FRMD1: variants seen among roughly 807,000 people sequenced by gnomAD.
FRMD1 encodes the protein FERM domain containing 1.
In FRMD1, 51 loss-of-function variants were observed where a neutral mutation model predicts 54.9. That is an observed-to-expected ratio of 0.93 (90% CI 0.74 to 1.17). The LOEUF is 1.17. FRMD1 is among the 50% of genes most tolerant of loss of function. The probability of loss-of-function intolerance (pLI) is 0.00; values close to 1 mark genes in which losing one functional copy is unlikely to be tolerated. For missense variants in FRMD1, 729 were observed against 743.0 expected (o/e 0.98, Z 0.22); for synonymous variants, 324 against 306.4 (o/e 1.06, Z -0.60).
chr6:168,060,586 C>T (rs550671253), intron 9 of FRMD1, among the ~76,000 whole-genome samples, 175 bp downstream of exon 9: 3 of 152,326 alleles, frequency 2.0e-5, no homozygotes, highest in Admixed American at 1.3e-4. Flanking sequence ...TCTGTTCTTC[C>T]GGCATGTTCT....
upstream of FRMD1, chr6:168,081,420 G>C (rs1179319945): frequency 6.5e-7 from 1 of 1,535,560 alleles, no homozygotes. Flanking sequence ...TGTCAGGGCC[G>C]GGCAGTGGAC....
chr6:168,060,787 T>TGGCTGCGGC lies in FRMD1; in HGVS notation c.1307_1315dup (p.Ser438_His439insArgArgSer), dbSNP rs1314505566. The TGGCTGCGGC allele has an allele frequency of 9.3e-6, 15 of 1,611,446 alleles. No homozygotes were observed. Among genetic ancestry groups the TGGCTGCGGC allele is most frequent in the Non-Finnish European group, 1.3e-5 (15 of 1,178,266 alleles). On this transcript the variant is annotated inframe_insertion, in exon 9 of 11. Transcript: ENST00000283309. ...TTGGCTGTCACCACGTGTGCTGGGG[T>TGGCTGCGGC]GGCTGCGGCTGGTCCTGGGGCTGGA...
At chr6:168,062,100 C>T (rs755091550) in intron 7 of FRMD1, 119 bp from the exon 8 acceptor site, 37 of 1,057,640 alleles carry the variant, frequency 3.5e-5, no homozygotes, top group Admixed American at 7.1e-5. Flanking sequence ...GTTTTCACTT[C>T]GCAGTGCAGA....
chr6:168,060,521 G>T (rs1367468710), intron 9 of FRMD1, among the ~76,000 whole-genome samples: 1 of 152,154 alleles, frequency 6.6e-6, no homozygotes, highest in African/African-American at 2.4e-5. Flanking sequence ...GCTGCCCCTT[G>T]GCAGGAACAG....
Position 168,063,749 on chromosome 6 carries a change from G to A in FRMD1, c.656C>T (p.Thr219Ile). ...PHSYFPQWII[T>I]KRGIDYILRH... ...GAGGATGTAGTCAATCCCCCTCTTG[G>A]TGATGATCTGAGGACAGAGCCGGGA... The change falls in exon 6 of 11, where the codon ACC (threonine) becomes ATC (isoleucine). Residue 219 changes from threonine (T) to isoleucine (I), a missense_variant. Coordinates refer to ENST00000283309, the MANE Select transcript of FRMD1 (RefSeq NM_024919.6). 6.2e-7 allele frequency: 1 copy of A among 1,612,198 alleles called. No individual in the cohort carries two copies. Among genetic ancestry groups the A allele is most frequent in the South Asian group, 1.1e-5 (1 of 90,828 alleles).
chr6:168,068,873 G>T (rs1481642357), intron 2 of FRMD1, among the ~76,000 whole-genome samples: 1 of 152,234 alleles, frequency 6.6e-6, no homozygotes, highest in African/African-American at 2.4e-5. Context: ...TGCAGAAAGG[G>T]CATCACAGGG....
At chr6:168,081,058 A>AC (rs1484031390), upstream of FRMD1, among the ~76,000 whole-genome samples, 1 of 152,124 alleles carries the variant, frequency 6.6e-6, no homozygotes, top group Non-Finnish European at 1.5e-5. Flanking sequence ...CTTCCTTCCC[A>AC]CCCAGAGTCT....
intron 1 of FRMD1, 30 bp from the exon 2 acceptor site, chr6:168,075,365 AG>A (rs746841408): frequency 3.8e-6 from 6 of 1,585,238 alleles, no homozygotes; most frequent in South Asian, 1.1e-5. Flanking sequence ...GGGTTCAGGG[AG>A]GGGCCGGCAC....
At chr6:168,058,523 G>C (rs933046663) in intron 10 of FRMD1, among the ~76,000 whole-genome samples, 5 of 151,884 alleles carry the variant, frequency 3.3e-5, no homozygotes, top group Non-Finnish European at 7.4e-5. Context: ...GGGCTGACCA[G>C]AGGGGGCCTC....
chr6:168,063,641 C>A lies in FRMD1; in HGVS notation c.764G>T (p.Arg255Leu). ...GAAGTGCACGGGCACGTCCTCCAGC[C>A]GGCAGGCCTCCTGGATGAAGCACAG... ...AMLCFIQEAC[R>L]LEDVPVHFFR... The change falls in exon 6 of 11, where the codon CGG becomes CTG. Residue 255 changes from arginine to leucine, a missense_variant. Coordinates refer to ENST00000283309, the MANE Select transcript of FRMD1 (RefSeq NM_024919.6). 6.2e-7 allele frequency: 1 copy of A among 1,613,558 alleles called. No individual in the cohort carries two copies. Among genetic ancestry groups the A allele is most frequent in the Non-Finnish European group, 8.5e-7 (1 of 1,179,778 alleles).
chr6:168,088,205 T>A (rs1440398311), intron 1 of FRMD1, among the ~76,000 whole-genome samples: 3 of 152,194 alleles, frequency 2.0e-5, no homozygotes, highest in African/African-American at 7.2e-5. Flanking sequence ...ATGCTCCGGC[T>A]GGGGTCTCAG....
At chr6:168,078,236 AG>A (rs573671867) in intron 1 of FRMD1, among the ~76,000 whole-genome samples, 23 of 152,060 alleles carry the variant, frequency 1.5e-4, no homozygotes, top group African/African-American at 3.1e-4. Context: ...GAAAGGGAAA[AG>A]AAAAGGAAAT....
chr6:168,072,056 C>G (rs1025460767), intron 2 of FRMD1, among the ~76,000 whole-genome samples: 1 of 152,260 alleles, frequency 6.6e-6, no homozygotes, highest in African/African-American at 2.4e-5. Flanking sequence ...AGAAGCCAGC[C>G]GATGGCGTCC....
At position 168,067,366 on chromosome 6, in the gene FRMD1, C is replaced by T. The variant is rs1800094361; in HGVS notation, c.384+1G>A. Reference sequence around the variant, plus strand: ...TCTCCCACCCGACACTCTACACTTACTTCATTTCTTTCTTTCTTCCAATCT... The same window carrying T: ...TCTCCCACCCGACACTCTACACTTATTTCATTTCTTTCTTTCTTCCAATCT... On this transcript the variant is annotated splice_donor_variant, in intron 3 of 10. Transcript: ENST00000283309. LOFTEE classifies it high-confidence loss of function. 3.8e-6 allele frequency: 6 copies of T among 1,590,592 alleles called. No homozygotes were observed. Among genetic ancestry groups the T allele is most frequent in the East Asian group, 4.5e-5 (2 of 44,730 alleles).
intron 1 of FRMD1, among the ~76,000 whole-genome samples, chr6:168,089,097 G>C (rs969193739): frequency 7.2e-5 from 11 of 152,248 alleles, no homozygotes; most frequent in African/African-American, 1.9e-4. Flanking sequence ...CCATACACAG[G>C]GGCCAGCAGC....
At chr6:168,066,098 C>T (rs919488731) in intron 4 of FRMD1, 9 of 994,862 alleles carry the variant, frequency 9.0e-6, no homozygotes, top group East Asian at 1.1e-4. Flanking sequence ...CAGCGAGAAC[C>T]GCCACGCAGC....
chr6:168,058,988 C>A (rs556990318), intron 10 of FRMD1, 136 bp downstream of exon 10: 46 of 667,828 alleles, frequency 6.9e-5, no homozygotes, highest in Non-Finnish European at 1.1e-4. Flanking sequence ...CTGACTTGCC[C>A]GCTGCGTCTC....
At chr6:168,058,624 A>G (rs994413612) in intron 10 of FRMD1, among the ~76,000 whole-genome samples, 17 of 152,226 alleles carry the variant, frequency 1.1e-4, no homozygotes, top group African/African-American at 4.1e-4. Context: ...CCTGTTCCCC[A>G]CCTGGGCATC....
At chr6:168,066,853 A>C (rs764124335) in intron 3 of FRMD1, 22 bp from the exon 4 acceptor site, 1 of 1,609,946 alleles carries the variant, frequency 6.2e-7, no homozygotes, top group South Asian at 1.1e-5. Flanking sequence ...AATGCAAGAA[A>C]GAGCAAGTGA....
Sources: allele counts gnomAD v4.1 joint callset (sites outside exome capture counted in the v4.1 genomes callset), GRCh38; gene constraint gnomAD v4.1.1; transcripts MANE v1.5; gene names NCBI Gene and HGNC (gene_info 2026-07-23, HGNC 2026-07-21).